The following NELFB variants were observed in gnomAD, a reference collection of about 807,000 sequenced individuals.
NELFB encodes the protein negative elongation factor B.
A neutral mutation model predicts 60.2 loss-of-function variants in NELFB; 34 were observed. That is an observed-to-expected ratio of 0.56 (90% CI 0.43 to 0.75). The LOEUF is 0.75. NELFB is among the 30% of genes least tolerant of loss of function. The probability of loss-of-function intolerance (pLI) is 0.00; values close to 1 mark genes in which losing one functional copy is unlikely to be tolerated. For missense variants in NELFB, 770 were observed against 831.6 expected, an observed-to-expected ratio of 0.93 and a Z score of 0.91; for synonymous variants, 459 against 382.1, an observed-to-expected ratio of 1.20 and a Z score of -2.35.
In NELFB at chr9:137,267,052, T is replaced by G. The variant is rs746566888; in HGVS notation, c.1348T>G (p.Ser450Ala). 6.2e-7 allele frequency: 1 copy of G among 1,614,044 alleles called. No homozygotes were observed. The highest frequency in any genetic ancestry group is 2.2e-5 in the East Asian group (1 of 44,886). ...TCCGGCTGAGGAGAAAGCCCCAGTC[T>G]CATATCCAAACACACTTCCCGAAAG... The change falls in exon 9 of 13, where the codon TCA (serine) becomes GCA (alanine). Residue 450 changes from serine (S) to alanine (A), a missense_variant. Physicochemically the swap from Ser to Ala is moderately conservative, Grantham distance 99. Transcript: ENST00000343053.
At chr9:137,266,091 C>G (rs1417924145) in intron 7 of NELFB, 112 bp downstream of exon 7, 15 of 881,078 alleles carry the variant, frequency 1.7e-5, no homozygotes, top group Non-Finnish European at 2.5e-5. Context: ...TGTTGGGGCC[C>G]TGTGGCCGCC....
At position 137,255,951 on chromosome 9, in the gene NELFB, C is replaced by T; in HGVS notation, c.291C>T (p.Pro97=). Reference sequence around the variant, plus strand: ...TGCCATCTCTTCAGTCAGCCCTCCCCTTCTTGGACCTGCACGGGACGCCGC... The same window carrying T: ...TGCCATCTCTTCAGTCAGCCCTCCCTTTCTTGGACCTGCACGGGACGCCGC... Residue 97 remains proline, a synonymous_variant, in exon 2 of 13, where the codon CCC becomes CCT. Transcript: ENST00000343053. 2.5e-6 allele frequency: 4 copies of T among 1,614,070 alleles called. No individual in the cohort carries two copies. The highest frequency in any genetic ancestry group is 2.5e-6 in the Non-Finnish European group (3 of 1,180,026).
At position 137,267,318 on chromosome 9, in the gene NELFB, C is replaced by G. The variant is rs765769006; in HGVS notation, c.1461C>G (p.Asn487Lys). Residue 487 changes from asparagine to lysine, a missense_variant, in exon 10 of 13, where the codon AAC becomes AAG. By Grantham distance (94) the Asn-to-Lys change is moderately conservative. Coordinates refer to ENST00000343053, the MANE Select transcript of NELFB (RefSeq NM_015456.5). The stretch of plus-strand genomic sequence containing the variant: ...ACATCACCAAGCAGAGGAACAAGAA[C>G]GCGCTCCTCCGCCTGCTGCCCGGGC... 1 of 1,612,654 alleles carries G rather than the reference C, an allele frequency of 6.2e-7. No homozygotes were observed. The highest frequency in any genetic ancestry group is 2.2e-5 in the East Asian group (1 of 44,830).
At position 137,255,362 on chromosome 9, in the gene NELFB, G is replaced by C. The variant is rs971656454; in HGVS notation, c.-4G>C. On this transcript the variant is annotated 5_prime_UTR_variant, in exon 1 of 13. Transcript: ENST00000343053. The stretch of plus-strand genomic sequence containing the variant: ...CGCGCGCGGAGTCGCGCGGCGGGCG[G>C]GACCTGGCCGAGCTGGAGGGCGCCG... 8.4e-6 allele frequency: 4 copies of C among 478,742 alleles called. No individual in the cohort carries two copies. In the East Asian group the frequency reaches 1.6e-4, roughly 19 times the overall value. 29.7% of individuals were successfully genotyped at this position (478,742 alleles called of 1,614,324 possible). A position where few individuals can be genotyped will look rare whatever the true frequency, so the allele number is the denominator to read the frequency against.
At chr9:137,263,562 C>T (rs28545084) in intron 5 of NELFB, among the ~76,000 whole-genome samples, 16 of 148,942 alleles carry the variant, frequency 1.1e-4, no homozygotes, top group Non-Finnish European at 1.8e-4. Flanking sequence ...TGGCTTGGCC[C>T]GGGACCACCT....
rs528995748 is a variant in NELFB at position 137,265,676 on chromosome 9, C to T, written c.1041-201C>T. On this transcript the variant is annotated intron_variant, in intron 6 of 12. Coordinates refer to ENST00000343053, the MANE Select transcript of NELFB (RefSeq NM_015456.5). ...GTGCTGGGATGACAGGCTGAGCCGC[C>T]GCGCCCGGCCTGCCAAAGTGCTGGG... is the stretch of plus-strand genomic sequence containing the variant. 4.1e-3 allele frequency among the ~76,000 whole-genome samples: 511 copies of T among 124,428 alleles called. 8 individuals carry two copies. Among genetic ancestry groups the T allele is most frequent in the African/African-American group, 0.012 (464 of 37,252 alleles). 81.6% of individuals were successfully genotyped at this position (124,428 alleles called of 152,430 possible).
At position 137,272,849 on chromosome 9, in the gene NELFB, A is replaced by G; in HGVS notation, c.1808A>G (p.Lys603Arg). ...AAGCTGGAACAGCTGGATCACCGGA[A>G]GCCCAGCCCGGCACAGGCTGCGGAG... The change falls in exon 13 of 13, where the codon AAG becomes AGG. Residue 603 changes from lysine to arginine, a missense_variant. Physicochemically the swap from Lys to Arg is conservative, Grantham distance 26 (BLOSUM62 2). Coordinates refer to ENST00000343053, the MANE Select transcript of NELFB (RefSeq NM_015456.5). 1 of 1,549,794 alleles carries G rather than the reference A, an allele frequency of 6.5e-7. No homozygotes were observed. Among genetic ancestry groups the G allele is most frequent in the Non-Finnish European group, 8.7e-7 (1 of 1,146,656 alleles).
At position 137,269,630 on chromosome 9, in the gene NELFB, A is replaced by G. The variant is rs564427018; in HGVS notation, c.1489+2284A>G. 6.6e-6 allele frequency among the ~76,000 whole-genome samples: 1 copy of G among 152,362 alleles called. No individual in the cohort carries two copies. Among genetic ancestry groups the G allele is most frequent in the African/African-American group, 2.4e-5 (1 of 41,584 alleles). Reference sequence around the variant, plus strand: ...TGTGTCCCAGCAGCCTTCAGTACTCAGTACAGCCATGTGCTGTGCAGGTGT... The same window carrying G: ...TGTGTCCCAGCAGCCTTCAGTACTCGGTACAGCCATGTGCTGTGCAGGTGT... On this transcript the variant is annotated intron_variant, in intron 10 of 12. Coordinates refer to ENST00000343053, the MANE Select transcript of NELFB (RefSeq NM_015456.5). The surrounding 1 kb of genome is among the most constrained non-coding windows in gnomAD (Gnocchi z 5.3).
Position 137,272,623 on chromosome 9 carries a change from C to T in NELFB, c.1740+8C>T, listed in dbSNP as rs961338815. The T allele has an allele frequency of 1.6e-5, 26 of 1,579,990 alleles. No individual in the cohort carries two copies. The East Asian group carries it at 5.8e-4, about 35-fold the overall frequency. ...CTGGAGCCTACAGGCCAGGTGGGTG[C>T]CCGGGGGGGCTGCATCTGAAGGCAC... On this transcript the variant is annotated splice_region_variant and intron_variant, in intron 12 of 12. Transcript: ENST00000343053.
intron 2 of NELFB, 101 bp from the exon 3 acceptor site, chr9:137,256,228 C>T (rs745983012): frequency 1.2e-5 from 16 of 1,362,354 alleles, no homozygotes; most frequent in Middle Eastern, 2.0e-4. Context: ...GTGTCCTGGG[C>T]GTGGAGGCTT....
intron 8 of NELFB, 75 bp downstream of exon 8, chr9:137,266,501 G>T (rs1248586056): frequency 3.9e-6 from 5 of 1,281,390 alleles, no homozygotes; most frequent in Non-Finnish European, 4.4e-6. Flanking sequence ...AGGGGGAGGC[G>T]CTAGCAAGGT....
In NELFB at chr9:137,272,498, C is replaced by T; in HGVS notation, c.1632-9C>T. 2 of 1,610,320 alleles carry T rather than the reference C, an allele frequency of 1.2e-6. No homozygotes were observed. The highest frequency in any genetic ancestry group is 4.5e-5 in the East Asian group (2 of 44,824). The stretch of plus-strand genomic sequence containing the variant: ...GCCTCCTGCCCCAGCCCTGCACGGC[C>T]TTTTCCAGGAAGGAGAACGTGCACC... On this transcript the variant is annotated splice_polypyrimidine_tract_variant and intron_variant, in intron 11 of 12. Coordinates refer to ENST00000343053, the MANE Select transcript of NELFB (RefSeq NM_015456.5).
intron 3 of NELFB, 114 bp downstream of exon 3, chr9:137,256,542 C>G: frequency 1.1e-6 from 1 of 922,372 alleles, no homozygotes; most frequent in East Asian, 2.5e-5. Context: ...GCTGCCTGCC[C>G]AAGTGCTGTC....
chr9:137,263,055 C>G lies in NELFB; in HGVS notation c.760C>G (p.Arg254Gly). Residue 254 changes from arginine to glycine, a missense_variant, in exon 5 of 13, where the codon CGG becomes GGG. Physicochemically the swap from Arg to Gly is moderately radical, Grantham distance 125. Transcript: ENST00000343053. ...GCTGCAGGTGGTGCAGCGGCTGACG[C>G]GGATGGTGGGGAAGAACGTGAAGCT... The G allele has an allele frequency of 6.2e-7, 1 of 1,612,960 alleles. No individual in the cohort carries two copies. The highest frequency in any genetic ancestry group is 8.5e-7 in the Non-Finnish European group (1 of 1,179,096).
At position 137,269,014 on chromosome 9, in the gene NELFB, C is replaced by T. The variant is rs1040852575; in HGVS notation, c.1489+1668C>T. Among the ~76,000 whole-genome samples the T allele has an allele frequency of 5.9e-5, 9 of 152,046 alleles. No homozygotes were observed. The highest frequency in any genetic ancestry group is 1.9e-4 in the African/African-American group (8 of 41,380). On this transcript the variant is annotated intron_variant, in intron 10 of 12. Coordinates refer to ENST00000343053, the MANE Select transcript of NELFB (RefSeq NM_015456.5). This position sits in a 1 kb window ranked among gnomAD's most constrained non-coding sequence, Gnocchi z 5.3. Reference sequence around the variant, plus strand: ...AACAGCGAGAACGCTTTGGTGAGGACGGAGCCCTCACGACCTCAGCAGTGT... The same window carrying T: ...AACAGCGAGAACGCTTTGGTGAGGATGGAGCCCTCACGACCTCAGCAGTGT...
In NELFB at chr9:137,265,909, C is replaced by T. The variant is rs1830512645; in HGVS notation, c.1073C>T (p.Ala358Val). The T allele has an allele frequency of 6.2e-7, 1 of 1,613,210 alleles. No individual in the cohort carries two copies. Among genetic ancestry groups the T allele is most frequent in the Admixed American group, 1.7e-5 (1 of 60,030 alleles). ...TCCATGATCCTGTGTGACCCCTTCG[C>T]CATCAACACGCTGGCACTGAGCACA... The change falls in exon 7 of 13, where the codon GCC becomes GTC. Residue 358 changes from alanine (A) to valine (V), a missense_variant. Coordinates refer to ENST00000343053, the MANE Select transcript of NELFB (RefSeq NM_015456.5).
Position 137,269,555 on chromosome 9 carries a change from C to T in NELFB, c.1489+2209C>T, listed in dbSNP as rs949480943. Among the ~76,000 whole-genome samples, 3 of 152,246 alleles carry T rather than the reference C, an allele frequency of 2.0e-5. No homozygotes were observed. The highest frequency in any genetic ancestry group is 4.8e-5 in the African/African-American group (2 of 41,466). On this transcript the variant is annotated intron_variant, in intron 10 of 12. Transcript: ENST00000343053. This position sits in a 1 kb window ranked among gnomAD's most constrained non-coding sequence, Gnocchi z 5.3. ...ACGACCACGCGGTCACATAAGCTGA[C>T]AATACTGTATTTTTACTCCACTTTC...
In NELFB at chr9:137,269,963, C is replaced by T. The variant is rs1175279465; in HGVS notation, c.1490-2118C>T. Among the ~76,000 whole-genome samples the T allele has an allele frequency of 6.6e-6, 1 of 152,132 alleles. No individual in the cohort carries two copies. The highest frequency in any genetic ancestry group is 1.5e-5 in the Non-Finnish European group (1 of 68,030). ...AATGGATGTTGATTTTTAGAATTCT[C>T]TCCTGTTTATTTTTTAACATTTTGT... On this transcript the variant is annotated intron_variant, in intron 10 of 12. Transcript: ENST00000343053. The surrounding 1 kb of genome is among the most constrained non-coding windows in gnomAD (Gnocchi z 5.3).
intron 10 of NELFB, among the ~76,000 whole-genome samples, chr9:137,268,136 G>A (rs1262036975): frequency 6.6e-6 from 1 of 152,100 alleles, no homozygotes; most frequent in African/African-American, 2.4e-5. Flanking sequence ...TTAGCCTGCT[G>A]TGGGTCCCAT....
Sources: gnomAD v4.1 joint callset for allele counts (sites outside exome capture counted in the v4.1 genomes callset) on GRCh38, gnomAD v4.1.1 for gene constraint, Gnocchi (gnomAD v3.1) non-coding constraint, MANE v1.5 for transcripts, NCBI Gene and HGNC (gene_info 2026-07-23, HGNC 2026-07-21) for gene names.